Variants in WDHD1 observed in about 807,000 individuals in gnomAD.
WDHD1 encodes the protein WD repeat and HMG-box DNA-binding protein 1.
A neutral mutation model predicts 135.4 loss-of-function variants in WDHD1; 111 were observed. The ratio of observed to expected loss-of-function variants is 0.82; its 90% CI spans 0.70 to 0.96. The LOEUF (loss-of-function observed/expected upper bound fraction) is 0.96, where lower values mean the gene tolerates loss of function less well. Among genes scored for constraint, WDHD1 ranks in the 40% least tolerant of loss-of-function variants. The pLI, the probability that WDHD1 is intolerant of heterozygous loss-of-function variation, is 0.00. For synonymous variants in WDHD1, 434 were observed against 439.0 expected (o/e 0.99, Z 0.14); for missense variants, 1,351 against 1,336.3 (o/e 1.01, Z -0.17).
At chr14:54,984,600 A>T (rs1264844437) in intron 15 of WDHD1, 123 bp downstream of exon 15, 2 of 860,252 alleles carry the variant, frequency 2.3e-6, no homozygotes, top group East Asian at 6.9e-5. Context: ...AGAAATTTAA[A>T]ATATAAAATA....
At chr14:54,980,024 T>C (rs929645331) in intron 16 of WDHD1, among the ~76,000 whole-genome samples, 6 of 152,202 alleles carry the variant, frequency 3.9e-5, no homozygotes, top group African/African-American at 2.4e-5. Flanking sequence ...AGCCATATCA[T>C]ATGGTAAGTA....
intron 21 of WDHD1, among the ~76,000 whole-genome samples, chr14:54,959,790 C>CA (rs1198183835): frequency 6.6e-6 from 1 of 151,912 alleles, no homozygotes; most frequent in African/African-American, 2.4e-5. Flanking sequence ...CCGCACCCCC[C>CA]CCACCAAACA....
In WDHD1 at chr14:54,975,672, T is replaced by C. The variant is rs575991600; in HGVS notation, c.2063+5868A>G. On this transcript the variant is annotated intron_variant, in intron 16 of 25. Coordinates refer to ENST00000360586, the MANE Select transcript of WDHD1 (RefSeq NM_007086.4). The stretch of plus-strand genomic sequence containing the variant: ...CCTCATATTCATAATTAAAGGAAAA[T>C]AGGAAAATTTTATATTGACTTAAAT... Among the ~76,000 whole-genome samples, 17 of 151,458 alleles carry C rather than the reference T, an allele frequency of 1.1e-4. 1 individual carries two copies. The highest frequency in any genetic ancestry group is 3.6e-4 in the African/African-American group (15 of 41,298).
chr14:54,943,426 ACT>A (rs1595049245), intron 25 of WDHD1, among the ~76,000 whole-genome samples: 1 of 152,102 alleles, frequency 6.6e-6, no homozygotes, highest in African/African-American at 2.4e-5. Context: ...ACCCGGTCTC[ACT>A]CTGTCACCCA....
At chr14:54,985,670 A>C (rs1297485022) in intron 14 of WDHD1, among the ~76,000 whole-genome samples, 2 of 152,326 alleles carry the variant, frequency 1.3e-5, no homozygotes, top group African/African-American at 2.4e-5. Flanking sequence ...TGGACTGTGG[A>C]AGGCAAGAAC....
At chr14:55,019,523 C>A (rs1022540892) in intron 2 of WDHD1, among the ~76,000 whole-genome samples, 1 of 152,066 alleles carries the variant, frequency 6.6e-6, no homozygotes, top group Non-Finnish European at 1.5e-5. Context: ...CTAGGTTCTA[C>A]CCCCAATAAA....
Position 54,983,925 on chromosome 14 carries a change from TA to T in WDHD1, c.1906+797del, listed in dbSNP as rs552191855. On this transcript the variant is annotated intron_variant, in intron 15 of 25. Transcript: ENST00000360586. ...ATTATCATTTAACATGTAATCAACA[TA>T]AAAAAATTGATTTTTATATCTTTTT... 1.6e-3 allele frequency among the ~76,000 whole-genome samples: 244 copies of T among 152,282 alleles called. 1 individual carries two copies. Among genetic ancestry groups the T allele is most frequent in the African/African-American group, 5.7e-3 (235 of 41,570 alleles).
chr14:54,967,443 A>G, intron 16 of WDHD1, 49 bp from the exon 17 acceptor site: 1 of 1,398,682 alleles, frequency 7.1e-7, no homozygotes, highest in Non-Finnish European at 9.8e-7. Context: ...ACATGTCATA[A>G]AAACTACAAA....
At chr14:54,974,073 C>A (rs1310806284) in intron 16 of WDHD1, among the ~76,000 whole-genome samples, 2 of 151,160 alleles carry the variant, frequency 1.3e-5, no homozygotes, top group African/African-American at 4.9e-5. Context: ...TGTGCATAAA[C>A]CACCTGGAAG....
At chr14:54,974,463 T>G (rs1595082847) in intron 16 of WDHD1, among the ~76,000 whole-genome samples, 1 of 148,346 alleles carries the variant, frequency 6.7e-6, no homozygotes, top group Non-Finnish European at 1.5e-5. Flanking sequence ...CAATTTGTTT[T>G]CAAATTGACC....
intron 16 of WDHD1, among the ~76,000 whole-genome samples, chr14:54,974,888 A>G (rs1029098676): frequency 9.9e-5 from 15 of 152,144 alleles, no homozygotes; most frequent in Non-Finnish European, 2.1e-4. Context: ...ACCTTGCCCC[A>G]GCCAGCAAGT....
At chr14:54,944,522 T>A in intron 24 of WDHD1, 52 bp from the exon 25 acceptor site, 3 of 1,493,316 alleles carry the variant, frequency 2.0e-6, no homozygotes, top group Non-Finnish European at 2.7e-6. Flanking sequence ...GAGTTTAAAG[T>A]GCCTCATGAT....
chr14:54,991,375 A>G lies in WDHD1; in HGVS notation c.1179T>C (p.Ser393=). 1.2e-6 allele frequency: 2 copies of G among 1,614,162 alleles called. No homozygotes were observed. Among genetic ancestry groups the G allele is most frequent in the Non-Finnish European group, 1.7e-6 (2 of 1,179,992 alleles). The change falls in exon 12 of 26, where the codon TCT becomes TCC. Residue 393 remains serine (S), a synonymous_variant. Transcript: ENST00000360586. ...CTTCCTCCTCCTCTTTGAGAAGACT[A>G]GAACCAGTTTTTAGCATTGAAATAT... ...SVDISMLKTG[S]SLLKEEEEDG...
At chr14:54,985,122 T>C (rs2041676600) in intron 14 of WDHD1, among the ~76,000 whole-genome samples, 1 of 152,188 alleles carries the variant, frequency 6.6e-6, no homozygotes, top group Non-Finnish European at 1.5e-5. Flanking sequence ...CACGCCAGCA[T>C]TGGCCTAGAT....
chr14:54,948,884 C>G (rs1373079853), intron 24 of WDHD1, among the ~76,000 whole-genome samples: 2 of 152,204 alleles, frequency 1.3e-5, no homozygotes, highest in African/African-American at 2.4e-5. Context: ...TGCTGATACC[C>G]AGGCAGAGTC....
intron 16 of WDHD1, among the ~76,000 whole-genome samples, chr14:54,979,060 T>G (rs961382871): frequency 6.6e-6 from 1 of 152,196 alleles, no homozygotes; most frequent in African/African-American, 2.4e-5. Context: ...GCCAAAAGAT[T>G]ACAAAAATGC....
chr14:54,991,428 G>A (rs1467165928), intron 11 of WDHD1, 28 bp from the exon 12 acceptor site: 23 of 1,588,816 alleles, frequency 1.4e-5, no homozygotes, highest in Non-Finnish European at 2.0e-5. Context: ...ATAATTAAGG[G>A]AATCACGAAT....
Position 55,007,380 on chromosome 14 carries a change from T to C in WDHD1, c.505-5A>G, listed in dbSNP as rs1198323208. On this transcript the variant is annotated splice_polypyrimidine_tract_variant and splice_region_variant and intron_variant, in intron 6 of 25. Coordinates refer to ENST00000360586, the MANE Select transcript of WDHD1 (RefSeq NM_007086.4). ...TGGCCAACTAATAGCACATGTCTAATTGGTAAAAAAAGAAAATTTCTTTCC... is the reference window on the plus strand; with the variant it reads ...TGGCCAACTAATAGCACATGTCTAACTGGTAAAAAAAGAAAATTTCTTTCC... 2 of 1,573,652 alleles carry C rather than the reference T, an allele frequency of 1.3e-6. No individual in the cohort carries two copies. Among genetic ancestry groups the C allele is most frequent in the African/African-American group, 1.4e-5 (1 of 72,998 alleles).
At chr14:55,005,430 T>C in intron 7 of WDHD1, 1 of 570,146 alleles carries the variant, frequency 1.8e-6, no homozygotes, top group Non-Finnish European at 3.4e-6. Context: ...AACTTCAGCA[T>C]GGCCTTCGGA....
Sources: allele counts gnomAD v4.1 joint callset (sites outside exome capture counted in the v4.1 genomes callset), GRCh38; gene constraint gnomAD v4.1.1; transcripts MANE v1.5; gene names NCBI Gene and HGNC (gene_info 2026-07-23, HGNC 2026-07-21).